The following AMY2B variants were observed in gnomAD, a reference collection of about 807,000 sequenced individuals.
AMY2B encodes the protein alpha-amylase 2B.
Under a neutral mutation model 59.3 loss-of-function variants are expected in AMY2B, and 63 were observed. That is an observed-to-expected ratio of 1.06 (90% CI 0.87 to 1.31). The LOEUF is 1.31. AMY2B is among the 50% of genes most tolerant of loss of function. The pLI is 0.00. For synonymous variants in AMY2B, 180 were observed against 198.1 expected (o/e 0.91, Z 0.77); for missense variants, 635 against 626.7 (o/e 1.01, Z -0.14).
In AMY2B at chr1:103,572,186, A is replaced by G; in HGVS notation, c.245A>G (p.Tyr82Cys). 1.9e-6 allele frequency: 3 copies of G among 1,611,744 alleles called. No homozygotes were observed. The highest frequency in any genetic ancestry group is 2.5e-6 in the Non-Finnish European group (3 of 1,179,702). The change falls in exon 2 of 10, where the codon TAT (tyrosine) becomes TGT (cysteine). Residue 82 changes from tyrosine (Y) to cysteine (C), a missense_variant. Transcript: ENST00000684275. ...PWWERYQPVS[Y>C]KLCTRSGNED... is the part of the protein sequence containing the mutation. Reference sequence around the variant, plus strand: ...TGGGAAAGATACCAACCAGTTAGCTATAAATTATGCACAAGATCTGGAAAT... The same window carrying G: ...TGGGAAAGATACCAACCAGTTAGCTGTAAATTATGCACAAGATCTGGAAAT...
chr1:103,554,957 G>C (rs557139183), exon 1 of AMY2B: 1 of 151,984 alleles, frequency 6.6e-6, no homozygotes, highest in African/African-American at 2.4e-5. Flanking sequence ...AATATAAATG[G>C]TTCAGCTCTT....
At chr1:103,578,042 T>C (rs1191634499) in intron 9 of AMY2B, among the ~76,000 whole-genome samples, 197 bp downstream of exon 9, 1 of 152,184 alleles carries the variant, frequency 6.6e-6, no homozygotes, top group Non-Finnish European at 1.5e-5. Flanking sequence ...ATTAAGGGCT[T>C]TCTGTTGTAA....
At chr1:103,561,249 A>G (rs1651724378) in intron 1 of AMY2B, among the ~76,000 whole-genome samples, 1 of 152,128 alleles carries the variant, frequency 6.6e-6, no homozygotes. Flanking sequence ...ATGGTGATGC[A>G]TGGAGTTAAT....
At chr1:103,573,306 C>G in intron 3 of AMY2B, 46 bp downstream of exon 3, 1 of 1,611,734 alleles carries the variant, frequency 6.2e-7, no homozygotes, top group East Asian at 2.2e-5. Flanking sequence ...TGATATATGC[C>G]TTTTCTTGTA....
upstream of AMY2B, chr1:103,570,041 C>T (rs1652058868): frequency 2.3e-6 from 1 of 433,472 alleles, no homozygotes; most frequent in Admixed American, 2.8e-5. Flanking sequence ...CACATGGTGC[C>T]CATCTATAAG....
chr1:103,572,940 A>C, intron 2 of AMY2B, 123 bp from the exon 3 acceptor site: 1 of 1,565,242 alleles, frequency 6.4e-7, no homozygotes, highest in Non-Finnish European at 8.7e-7. Context: ...CTTGTAGGAA[A>C]ATAGTTATAA....
intron 4 of AMY2B, 119 bp downstream of exon 4, chr1:103,574,057 T>A: frequency 6.4e-7 from 1 of 1,553,914 alleles, no homozygotes; most frequent in Non-Finnish European, 8.7e-7. Flanking sequence ...TAAAATGGTG[T>A]TCTTTAACCT....
At chr1:103,577,417 G>T in intron 7 of AMY2B, 73 bp from the exon 8 acceptor site, 1 of 1,609,122 alleles carries the variant, frequency 6.2e-7, no homozygotes, top group South Asian at 1.1e-5. Context: ...AGGATAGGTT[G>T]GGTTTGGTTT....
chr1:103,569,559 G>T (rs1652037535), upstream of AMY2B: 2 of 339,776 alleles, frequency 5.9e-6, no homozygotes, highest in East Asian at 1.0e-4. Flanking sequence ...CGCAATGGAA[G>T]AAGAGATTGC....
chr1:103,577,240 G>A (rs1021994968), intron 7 of AMY2B: 4 of 740,168 alleles, frequency 5.4e-6, no homozygotes, highest in Non-Finnish European at 8.5e-6. Flanking sequence ...AGCCTTTGCA[G>A]TTCCTTGGAA....
intron 2 of AMY2B, among the ~76,000 whole-genome samples, chr1:103,566,126 C>A (rs924894024): frequency 2.5e-4 from 38 of 152,078 alleles, no homozygotes; most frequent in African/African-American, 8.9e-4. Flanking sequence ...TACTTAAAAG[C>A]AATTTTACCT....
chr1:103,557,578 C>T (rs770004656), intron 1 of AMY2B, among the ~76,000 whole-genome samples: 3 of 151,574 alleles, frequency 2.0e-5, no homozygotes, highest in East Asian at 1.9e-4. Context: ...CATTTGAACC[C>T]GAAGGTGGAG....
intron 1 of AMY2B, among the ~76,000 whole-genome samples, chr1:103,558,084 G>A (rs1651616855): frequency 6.6e-6 from 1 of 151,962 alleles, no homozygotes; most frequent in Non-Finnish European, 1.5e-5. Context: ...ATAAATATTA[G>A]TGATCCGCCC....
chr1:103,578,823 A>G (rs1652462880), intron 9 of AMY2B, among the ~76,000 whole-genome samples: 1 of 139,434 alleles, frequency 7.2e-6, no homozygotes, highest in South Asian at 2.4e-4. Flanking sequence ...ACCCTTTAAA[A>G]ATTTTTTTTT....
At position 103,573,665 on chromosome 1, in the gene AMY2B, A is replaced by C. The variant is rs775264731; in HGVS notation, c.514-43A>C. ...TAATCAAATGGATTCTCATGTGAAA[A>C]ATGAGGTTTTATGAATCAATCATAA... On this transcript the variant is annotated intron_variant, in intron 3 of 9. Coordinates refer to ENST00000684275, the MANE Select transcript of AMY2B (RefSeq NM_001387437.1). 6.8e-6 allele frequency: 11 copies of C among 1,610,704 alleles called. No individual in the cohort carries two copies. In the South Asian group the frequency reaches 1.2e-4, roughly 18 times the overall value.
intron 1 of AMY2B, among the ~76,000 whole-genome samples, chr1:103,561,245 A>G (rs1257241982): frequency 2.0e-5 from 3 of 152,086 alleles, no homozygotes; most frequent in African/African-American, 7.2e-5. Flanking sequence ...GTAGATGGTG[A>G]TGCATGGAGT....
chr1:103,560,201 ATAATTG>A (rs1557765279), intron 1 of AMY2B, among the ~76,000 whole-genome samples: 1 of 152,134 alleles, frequency 6.6e-6, no homozygotes, highest in Non-Finnish European at 1.5e-5. Flanking sequence ...AAACTCTCTC[ATAATTG>A]TAGATTTCCC....
At chr1:103,557,727 C>T (rs764480288) in intron 1 of AMY2B, among the ~76,000 whole-genome samples, 30 of 151,434 alleles carry the variant, frequency 2.0e-4, no homozygotes, top group Non-Finnish European at 4.0e-4. Flanking sequence ...ATTTGTATAC[C>T]GTGATCTTTG....
At chr1:103,575,960 T>G (rs1652337083) in intron 7 of AMY2B, among the ~76,000 whole-genome samples, 1 of 152,120 alleles carries the variant, frequency 6.6e-6, no homozygotes, top group African/African-American at 2.4e-5. Context: ...TAAAAAGTTA[T>G]ATGGAATACA....
Sources: gnomAD v4.1 joint callset for allele counts (sites outside exome capture counted in the v4.1 genomes callset) on GRCh38, gnomAD v4.1.1 for gene constraint, MANE v1.5 for transcripts, NCBI Gene and HGNC (gene_info 2026-07-23, HGNC 2026-07-21) for gene names.